ZNF277: variants seen among roughly 807,000 people sequenced by gnomAD.
The protein encoded by ZNF277 is nuclear receptor-interacting factor 4.
A neutral mutation model predicts 60.7 loss-of-function variants in ZNF277; 55 were observed. That is an observed-to-expected ratio of 0.91 (90% CI 0.73 to 1.13). The LOEUF (loss-of-function observed/expected upper bound fraction) is 1.13. ZNF277 is among the 50% of genes most tolerant of loss of function. The probability of loss-of-function intolerance (pLI) is 0.00; values close to 1 mark genes in which losing one functional copy is unlikely to be tolerated. For synonymous variants in ZNF277, 178 were observed against 179.3 expected (o/e 0.99, Z 0.06); for missense variants, 510 against 523.0 (o/e 0.98, Z 0.24).
chr7:112,225,244 G>A (rs1822145405), intron 1 of ZNF277, among the ~76,000 whole-genome samples: 1 of 152,202 alleles, frequency 6.6e-6, no homozygotes, highest in Admixed American at 6.5e-5. Flanking sequence ...TGGGCTTAGG[G>A]ACTCCTGCCA....
intron 1 of ZNF277, among the ~76,000 whole-genome samples, chr7:112,214,212 G>A (rs562478620): frequency 1.2e-4 from 18 of 152,090 alleles, no homozygotes; most frequent in Admixed American, 9.8e-4. Flanking sequence ...AGAGGATGTC[G>A]ATCAGATTCA....
At chr7:112,296,036 A>C in intron 3 of ZNF277, 79 bp downstream of exon 3, 1 of 1,194,282 alleles carries the variant, frequency 8.4e-7, no homozygotes, top group Non-Finnish European at 1.2e-6. Context: ...TTATATTAGA[A>C]TTACTTTTAC....
intron 1 of ZNF277, 48 bp downstream of exon 1, chr7:112,206,855 A>T (rs747670006): frequency 6.3e-7 from 1 of 1,581,976 alleles, no homozygotes; most frequent in Non-Finnish European, 8.7e-7. Context: ...TCCTTTCTCT[A>T]TGACCGGGTG....
At chr7:112,226,614 T>G (rs1822182661) in intron 1 of ZNF277, among the ~76,000 whole-genome samples, 1 of 152,224 alleles carries the variant, frequency 6.6e-6, no homozygotes. Flanking sequence ...AGCCTGTGCT[T>G]CTTATTAAGT....
chr7:112,312,631 C>T (rs1447563577), intron 4 of ZNF277, among the ~76,000 whole-genome samples: 1 of 151,966 alleles, frequency 6.6e-6, no homozygotes, highest in African/African-American at 2.4e-5. Flanking sequence ...AAGAAACAGG[C>T]AAAATGTTCA....
intron 1 of ZNF277, among the ~76,000 whole-genome samples, chr7:112,211,790 T>G (rs1169078810): frequency 6.6e-6 from 1 of 152,232 alleles, no homozygotes; most frequent in Non-Finnish European, 1.5e-5. Context: ...ACTTACCATG[T>G]CACACTGTAG....
chr7:112,268,648 G>C (rs1307070457), intron 1 of ZNF277, among the ~76,000 whole-genome samples: 1 of 152,096 alleles, frequency 6.6e-6, no homozygotes, highest in African/African-American at 2.4e-5. Context: ...AAAATTAAAA[G>C]CACAAAGTAG....
intron 4 of ZNF277, among the ~76,000 whole-genome samples, chr7:112,308,360 A>C (rs1792647247): frequency 6.6e-6 from 1 of 152,022 alleles, no homozygotes; most frequent in Admixed American, 6.6e-5. Flanking sequence ...ACTAAAAAAA[A>C]TAAAAAATTA....
At chr7:112,285,818 T>A (rs1012994915) in intron 1 of ZNF277, among the ~76,000 whole-genome samples, 1 of 152,016 alleles carries the variant, frequency 6.6e-6, no homozygotes, top group African/African-American at 2.4e-5. Flanking sequence ...GAAGATAAAG[T>A]AAGGGAAAAA....
At chr7:112,323,617 A>G (rs1486874152) in intron 5 of ZNF277, among the ~76,000 whole-genome samples, 1 of 152,210 alleles carries the variant, frequency 6.6e-6, no homozygotes, top group Non-Finnish European at 1.5e-5. Flanking sequence ...TTAAAACATC[A>G]CAAAGCTCAC....
At chr7:112,207,075 G>C (rs918333024) in intron 1 of ZNF277, among the ~76,000 whole-genome samples, 10 of 152,228 alleles carry the variant, frequency 6.6e-5, no homozygotes, top group African/African-American at 2.4e-4. Context: ...GAAGCTCCCT[G>C]AGCGTTTGTC....
chr7:112,323,460 T>C (rs1584410815), intron 5 of ZNF277, among the ~76,000 whole-genome samples: 1 of 152,202 alleles, frequency 6.6e-6, no homozygotes, highest in Non-Finnish European at 1.5e-5. Context: ...CCTTTTCCCA[T>C]CACCTGCCAT....
chr7:112,281,522 ATTG>A (rs1225859802), intron 1 of ZNF277, among the ~76,000 whole-genome samples: 3 of 152,140 alleles, frequency 2.0e-5, no homozygotes, highest in African/African-American at 7.2e-5. Context: ...AGCAATATTT[ATTG>A]TTATCTTAGA....
At chr7:112,237,625 A>T (rs1464643172) in intron 1 of ZNF277, among the ~76,000 whole-genome samples, 1 of 152,140 alleles carries the variant, frequency 6.6e-6, no homozygotes, top group Non-Finnish European at 1.5e-5. Flanking sequence ...TTCTAAAAAC[A>T]TACAACCTCC....
At chr7:112,320,231 T>A (rs760034952) in intron 5 of ZNF277, among the ~76,000 whole-genome samples, 1 of 152,174 alleles carries the variant, frequency 6.6e-6, no homozygotes, top group Admixed American at 6.5e-5. Context: ...GTCTAACTTA[T>A]CTGCATTCTG....
At chr7:112,294,972 A>G (rs1792291734) in intron 2 of ZNF277, among the ~76,000 whole-genome samples, 1 of 152,124 alleles carries the variant, frequency 6.6e-6, no homozygotes, top group Non-Finnish European at 1.5e-5. Context: ...CTCTTTCTAT[A>G]TTCTTCATCT....
chr7:112,245,018 C>T (rs765118626), intron 1 of ZNF277, among the ~76,000 whole-genome samples: 6 of 152,084 alleles, frequency 3.9e-5, no homozygotes, highest in Non-Finnish European at 7.4e-5. Context: ...TTTATTGGCA[C>T]AGAAAAGATC....
intron 1 of ZNF277, among the ~76,000 whole-genome samples, chr7:112,257,409 G>T (rs1477704206): frequency 3.9e-5 from 6 of 152,186 alleles, no homozygotes; most frequent in African/African-American, 1.4e-4. Flanking sequence ...CTATCTTAAT[G>T]GGTGCTAGAG....
intron 4 of ZNF277, among the ~76,000 whole-genome samples, chr7:112,300,792 T>C (rs1444336789): frequency 6.6e-6 from 1 of 152,198 alleles, no homozygotes; most frequent in Non-Finnish European, 1.5e-5. Context: ...TATTACATAA[T>C]GACACCACCA....
Sources: gnomAD v4.1 joint callset for allele counts (sites outside exome capture counted in the v4.1 genomes callset) on GRCh38, gnomAD v4.1.1 for gene constraint, MANE v1.5 for transcripts, NCBI Gene and HGNC (gene_info 2026-07-23, HGNC 2026-07-21) for gene names.